The following ATM variants were observed in gnomAD, a reference collection of about 807,000 sequenced individuals.
The protein encoded by ATM is ATM serine/threonine kinase, also known as serine-protein kinase ATM.
Under a neutral mutation model 387.0 loss-of-function variants are expected in ATM, and 308 were observed. The observed-to-expected ratio is 0.80, with a 90% CI of 0.73 to 0.87. The LOEUF (loss-of-function observed/expected upper bound fraction) is 0.87. Among genes scored for constraint, ATM ranks in the 40% least tolerant of loss-of-function variants. ATM has a pLI of 0.00. For synonymous variants in ATM, 1,156 were observed against 1,187.3 expected (o/e 0.97, Z 0.54); for missense variants, 3,312 against 3,560.9 (o/e 0.93, Z 1.78).
rs179108 is a variant in ATM at position 108,353,970 on chromosome 11, G to A, written c.8786+90G>A. ...GTTCTTTGCACCTGTAATCCCAGCT[G>A]CTCAAGAGGCTGAAGTGGGAGGATT... On this transcript the variant is annotated intron_variant, in intron 60 of 62. Transcript: ENST00000675843. 1 allele frequency: 1,266,157 copies of A among 1,266,224 alleles called. 633,045 individuals are homozygous for A. The highest frequency in any genetic ancestry group is 1 in the Middle Eastern group (5,350 of 5,350). 78.4% of individuals were successfully genotyped at this position (1,266,224 alleles called of 1,614,324 possible).
chr11:108,340,905 A>T lies in ATM; in HGVS notation c.8269-2317A>T, dbSNP rs139945716. Among the ~76,000 whole-genome samples, 899 of 152,226 alleles carry T rather than the reference A, an allele frequency of 5.9e-3. 7 individuals are homozygous for T. The highest frequency in any genetic ancestry group is 8.8e-3 in the Non-Finnish European group (601 of 68,010). On this transcript the variant is annotated intron_variant, in intron 56 of 62. Coordinates refer to ENST00000675843, the MANE Select transcript of ATM (RefSeq NM_000051.4). ...TAGTTGTACTGTATTGGTTTTTAAA[A>T]TTTTTATTTTTTATTGTATTGTTTT... is the stretch of plus-strand genomic sequence containing the variant.
intron 22 of ATM, among the ~76,000 whole-genome samples, chr11:108,277,627 A>G (rs1218082433): frequency 6.6e-6 from 1 of 152,252 alleles, no homozygotes; most frequent in African/African-American, 2.4e-5. Context: ...TCCCTTGGCT[A>G]GGGGAGGGAG....
At chr11:108,260,943 G>A (rs923124189) in intron 16 of ATM, among the ~76,000 whole-genome samples, 12 of 152,186 alleles carry the variant, frequency 7.9e-5, no homozygotes, top group Non-Finnish European at 1.2e-4. Flanking sequence ...CTTAAAAAAC[G>A]GCGCACCACG....
intron 53 of ATM, 144 bp downstream of exon 53, chr11:108,333,044 A>G (rs1395351630): frequency 1.0e-6 from 1 of 954,062 alleles, no homozygotes; most frequent in Non-Finnish European, 1.6e-6. Context: ...TGGCTTCAGC[A>G]TTCCCTGGTT....
intron 48 of ATM, among the ~76,000 whole-genome samples, chr11:108,328,748 A>T (rs2085945676): frequency 6.6e-6 from 1 of 152,206 alleles, no homozygotes; most frequent in Non-Finnish European, 1.5e-5. Flanking sequence ...TACTAACATT[A>T]ATGATAGCTA....
intron 5 of ATM, among the ~76,000 whole-genome samples, chr11:108,238,947 A>G (rs1191591887): frequency 6.6e-6 from 1 of 152,196 alleles, no homozygotes; most frequent in Admixed American, 6.5e-5. Flanking sequence ...TCAGTAAACA[A>G]TGATTTACCA....
intron 11 of ATM, 90 bp downstream of exon 11, chr11:108,252,121 T>C: frequency 8.7e-7 from 1 of 1,149,734 alleles, no homozygotes; most frequent in South Asian, 1.4e-5. Flanking sequence ...CTTTATTTTA[T>C]AATAATAATG....
At position 108,247,006 on chromosome 11, in the gene ATM, TATATG is replaced by T. The variant is rs1565375055; in HGVS notation, c.947_951del (p.Tyr316SerfsTer5). 6.2e-7 allele frequency: 1 copy of T among 1,613,236 alleles called. No individual in the cohort carries two copies. On this transcript the variant is annotated frameshift_variant, in exon 8 of 63. Transcript: ENST00000675843. LOFTEE classifies it high-confidence loss of function. ...AAATGGAGAAGTATTTTATACAACT[TATATG>T]ATCTGCTAGTGAATGAGATAAGTCA...
At position 108,252,859 on chromosome 11, in the gene ATM, C is replaced by T. The variant is rs1349398596; in HGVS notation, c.1845C>T (p.Leu615=). 1 of 1,613,068 alleles carries T rather than the reference C, an allele frequency of 6.2e-7. No homozygotes were observed. The highest frequency in any genetic ancestry group is 1.1e-5 in the South Asian group (1 of 91,044). Reference sequence around the variant, plus strand: ...TACTGGAGAAAATTCTTGTGAGTCTCACTATGAAAAACTGTAAAGCTGCAA... The same window carrying T: ...TACTGGAGAAAATTCTTGTGAGTCTTACTATGAAAAACTGTAAAGCTGCAA... ...HLVLEKILVS[L]TMKNCKAAMN... Residue 615 remains leucine (L), a synonymous_variant, in exon 12 of 63, where the codon CTC becomes CTT. Transcript: ENST00000675843.
intron 61 of ATM, among the ~76,000 whole-genome samples, chr11:108,359,724 A>G (rs1332290972): frequency 1.3e-5 from 2 of 152,294 alleles, no homozygotes; most frequent in East Asian, 3.9e-4. Flanking sequence ...TGAAGGCAGA[A>G]ATAAAGATGT....
At chr11:108,312,025 G>A (rs2084206241) in intron 39 of ATM, among the ~76,000 whole-genome samples, 1 of 152,072 alleles carries the variant, frequency 6.6e-6, no homozygotes, top group Non-Finnish European at 1.5e-5. Flanking sequence ...TATCTGTTAA[G>A]TATTAAATTC....
intron 22 of ATM, among the ~76,000 whole-genome samples, chr11:108,276,029 C>T (rs537258101): frequency 1.3e-5 from 2 of 152,186 alleles, no homozygotes; most frequent in East Asian, 3.9e-4. Context: ...TCATATAGTC[C>T]CATATTTCTT....
chr11:108,223,614 G>C (rs1237661918), intron 1 of ATM: 1 of 152,222 alleles, frequency 6.6e-6, no homozygotes, highest in Non-Finnish European at 1.5e-5. Context: ...GCTCTCTACT[G>C]TCTTGTGAAG....
intron 16 of ATM, among the ~76,000 whole-genome samples, chr11:108,264,366 A>G (rs1447038890): frequency 6.6e-6 from 1 of 152,224 alleles, no homozygotes; most frequent in East Asian, 1.9e-4. Context: ...TGTAAACAGA[A>G]CCAAAGACAA....
intron 44 of ATM, 57 bp from the exon 45 acceptor site, chr11:108,321,240 CATTT>C: frequency 1.3e-5 from 21 of 1,602,536 alleles, no homozygotes; most frequent in Non-Finnish European, 1.8e-5. Context: ...CAAATTTAAA[CATTT>C]ATTTCCCTGA....
chr11:108,329,893 T>G (rs576252356), intron 49 of ATM, among the ~76,000 whole-genome samples: 2 of 152,378 alleles, frequency 1.3e-5, no homozygotes, highest in African/African-American at 4.8e-5. Context: ...TTGAAATTAA[T>G]TACAAAAGTT....
At chr11:108,227,993 C>A in intron 3 of ATM, 105 bp downstream of exon 3, 1 of 957,866 alleles carries the variant, frequency 1.0e-6, no homozygotes. Flanking sequence ...TCTTTGCTTC[C>A]TATATATCAT....
chr11:108,246,222 T>G (rs1298896531), intron 7 of ATM, among the ~76,000 whole-genome samples: 3 of 152,154 alleles, frequency 2.0e-5, no homozygotes, highest in Non-Finnish European at 4.4e-5. Context: ...CTACTATAAG[T>G]GAAAGAATAG....
At chr11:108,257,404 A>G in intron 14 of ATM, 77 bp from the exon 15 acceptor site, 2 of 1,548,134 alleles carry the variant, frequency 1.3e-6, no homozygotes, top group Non-Finnish European at 8.8e-7. Context: ...TATGTCCAAG[A>G]TCAAAGTACA....
Sources: gnomAD v4.1 joint callset for allele counts (sites outside exome capture counted in the v4.1 genomes callset) on GRCh38, gnomAD v4.1.1 for gene constraint, MANE v1.5 for transcripts, NCBI Gene and HGNC (gene_info 2026-07-23, HGNC 2026-07-21) for gene names.